ZNF639: variants seen among roughly 807,000 people sequenced by gnomAD.
ZNF639 encodes zinc finger amplified in esophageal squamous cell carcinomas 1.
In ZNF639, 20 loss-of-function variants were observed where a neutral mutation model predicts 39.8. The ratio of observed to expected loss-of-function variants is 0.50; its 90% confidence interval spans 0.35 to 0.73. ZNF639 has a LOEUF of 0.73. ZNF639 is among the 30% of genes least tolerant of loss of function. The pLI, the probability that ZNF639 is intolerant of heterozygous loss-of-function variation, is 0.00. For missense variants in ZNF639, 477 were observed against 566.2 expected (o/e 0.84, Z 1.60); for synonymous variants, 176 against 189.8 (o/e 0.93, Z 0.60).
chr3:179,330,775 C>A (rs1022714375), intron 4 of ZNF639, among the ~76,000 whole-genome samples: 5 of 152,168 alleles, frequency 3.3e-5, no homozygotes, highest in Admixed American at 3.3e-4. Context: ...TTCCTCTGTT[C>A]TACAGCATTG....
rs1727782979 is a variant in ZNF639 at position 179,329,493 on chromosome 3, TATA to T, written c.59-121_59-119del. On this transcript the variant is annotated intron_variant, in intron 3 of 5. Coordinates refer to ENST00000496856, the MANE Select transcript of ZNF639 (RefSeq NM_001303426.2). ...ATAAAAGCTTTAAAAGTTGAAAATG[TATA>T]ATATTTTCATTACAGATACTATAAT... 13 of 592,120 alleles carry T rather than the reference TATA, an allele frequency of 2.2e-5. No individual in the cohort carries two copies. In the East Asian group the frequency reaches 4.1e-4, roughly 19 times the overall value. The allele number at this position is 592,120 out of a possible 1,614,324, so 36.7% of individuals were successfully genotyped here. A position where few individuals can be genotyped will look rare whatever the true frequency, so the allele number is the denominator to read the frequency against.
chr3:179,333,957 C>G lies in ZNF639; in HGVS notation c.993C>G (p.Asp331Glu). The change falls in exon 6 of 6, where the codon GAC becomes GAG. Residue 331 changes from aspartate to glutamate, a missense_variant. Physicochemically the swap from Asp to Glu is conservative, Grantham distance 45 (BLOSUM62 2). Coordinates refer to ENST00000496856, the MANE Select transcript of ZNF639 (RefSeq NM_001303426.2). ...FCEHETNDPE[D>E]LHSHVVNEHA... is the part of the protein sequence containing the mutation. The stretch of plus-strand genomic sequence containing the variant: ...AACATGAAACTAATGATCCAGAAGA[C>G]TTGCATAGCCATGTGGTAAATGAGC... The G allele has an allele frequency of 6.2e-7, 1 of 1,614,140 alleles. No individual in the cohort carries two copies. Among genetic ancestry groups the G allele is most frequent in the Non-Finnish European group, 8.5e-7 (1 of 1,180,018 alleles).
intron 4 of ZNF639, chr3:179,330,048 G>C (rs1727821993): frequency 5.5e-6 from 1 of 182,548 alleles, no homozygotes; most frequent in Non-Finnish European, 1.1e-5. Flanking sequence ...GAGTAGCTGG[G>C]GTTACAGGTG....
In ZNF639 at chr3:179,334,318, T is replaced by G; in HGVS notation, c.1354T>G (p.Phe452Val). Reference sequence around the variant, plus strand: ...TGAAGATCTTAAAATTCATCTAGATTTCAAGCATTCAGCTGACTTGCCTCA... The same window carrying G: ...TGAAGATCTTAAAATTCATCTAGATGTCAAGCATTCAGCTGACTTGCCTCA... ...QIEDLKIHLD[F>V]KHSADLPHKC... Residue 452 changes from phenylalanine (F) to valine (V), a missense_variant, in exon 6 of 6, where the codon TTC becomes GTC. Physicochemically the swap from Phe to Val is conservative, Grantham distance 50. Transcript: ENST00000496856. 2 of 1,613,050 alleles carry G rather than the reference T, an allele frequency of 1.2e-6. No homozygotes were observed. Among genetic ancestry groups the G allele is most frequent in the Non-Finnish European group, 1.7e-6 (2 of 1,179,566 alleles).
chr3:179,335,610 A>T lies in ZNF639; in HGVS notation c.*1188A>T, dbSNP rs1441304302. ...CTACCTAGCAGAAATTTATGGTCTC[A>T]CAGTTGTGAAGGCCAGACATTCAAA... On this transcript the variant is annotated 3_prime_UTR_variant, in exon 6 of 6. Coordinates refer to ENST00000496856, the MANE Select transcript of ZNF639 (RefSeq NM_001303426.2). The T allele has an allele frequency of 1.3e-5, 2 of 152,168 alleles. No homozygotes were observed. The highest frequency in any genetic ancestry group is 6.5e-5 in the Admixed American group (1 of 15,278). 9.4% of individuals were successfully genotyped at this position (152,168 alleles called of 1,614,324 possible).
intron 3 of ZNF639, among the ~76,000 whole-genome samples, 194 bp downstream of exon 3, chr3:179,328,545 A>G (rs1173680056): frequency 1.3e-5 from 2 of 152,216 alleles, no homozygotes; most frequent in African/African-American, 4.8e-5. Context: ...TAAGAACTTT[A>G]CAGACATTAT....
chr3:179,333,586 C>A lies in ZNF639; in HGVS notation c.622C>A (p.Leu208Ile). ...TAGCAGTGGCCTCTATAAATGTGAA[C>A]TTTGTGAGTTTAACAGCAAATATTT... is the stretch of plus-strand genomic sequence containing the variant. ...ANSSGLYKCELCEFNSKYFSD... is the reference protein window; with the variant it reads ...ANSSGLYKCEICEFNSKYFSD... Residue 208 changes from leucine (L) to isoleucine (I), a missense_variant, in exon 6 of 6, where the codon CTT (leucine) becomes ATT (isoleucine). Coordinates refer to ENST00000496856, the MANE Select transcript of ZNF639 (RefSeq NM_001303426.2). 1 of 1,614,096 alleles carries A rather than the reference C, an allele frequency of 6.2e-7. No individual in the cohort carries two copies. The highest frequency in any genetic ancestry group is 8.5e-7 in the Non-Finnish European group (1 of 1,180,022).
chr3:179,332,741 A>G (rs1435842040), intron 4 of ZNF639, among the ~76,000 whole-genome samples: 1 of 152,226 alleles, frequency 6.6e-6, no homozygotes, highest in Non-Finnish European at 1.5e-5. Flanking sequence ...CAGTAATTTA[A>G]ACTTAAAATC....
At position 179,333,550 on chromosome 3, in the gene ZNF639, C is replaced by A. The variant is rs199844594; in HGVS notation, c.586C>A (p.Leu196Met). The change falls in exon 6 of 6, where the codon CTG becomes ATG. Residue 196 changes from leucine to methionine, a missense_variant. Transcript: ENST00000496856. ...NVTAQQKWPL[L>M]RANSSGLYKC... is the part of the protein sequence containing the mutation. ...GACTGCCCAGCAGAAATGGCCTTTA[C>A]TGAGAGCTAATAGCAGTGGCCTCTA... 2 of 1,614,114 alleles carry A rather than the reference C, an allele frequency of 1.2e-6. No homozygotes were observed. Among genetic ancestry groups the A allele is most frequent in the African/African-American group, 2.7e-5 (2 of 75,048 alleles).
chr3:179,323,544 C>G (rs533967861), intron 1 of ZNF639, among the ~76,000 whole-genome samples: 1 of 152,284 alleles, frequency 6.6e-6, no homozygotes, highest in Non-Finnish European at 1.5e-5. Context: ...CCTTTGGTGT[C>G]GGGGCTTGGA....
chr3:179,325,718 C>A (rs1224185216), intron 1 of ZNF639, among the ~76,000 whole-genome samples: 1 of 151,558 alleles, frequency 6.6e-6, no homozygotes, highest in Non-Finnish European at 1.5e-5. Context: ...ACGGTGAAAC[C>A]CCGTCTGTAC....
At position 179,331,668 on chromosome 3, in the gene ZNF639, G is replaced by A. The variant is rs185924801; in HGVS notation, c.170-1321G>A. Among the ~76,000 whole-genome samples, 105 of 151,794 alleles carry A rather than the reference G, an allele frequency of 6.9e-4. 1 individual carries two copies. The East Asian group carries it at 0.016, about 22-fold the overall frequency. On this transcript the variant is annotated intron_variant, in intron 4 of 5. Transcript: ENST00000496856. ...TGCGTGCCTGTAATCCCAGCTACTCGGGAGGCTGAGGCAGGAGAATTGCTT... is the reference window on the plus strand; with the variant it reads ...TGCGTGCCTGTAATCCCAGCTACTCAGGAGGCTGAGGCAGGAGAATTGCTT...
Position 179,333,632 on chromosome 3 carries a change from T to C in ZNF639, c.668T>C (p.Met223Thr). Residue 223 changes from methionine (M) to threonine (T), a missense_variant, in exon 6 of 6, where the codon ATG (methionine) becomes ACG (threonine). Met to Thr is a moderately conservative substitution (Grantham distance 81, BLOSUM62 -1). Transcript: ENST00000496856. ...SKYFSDLKQH[M>T]ILKHKRTDSN... is the part of the protein sequence containing the mutation. The stretch of plus-strand genomic sequence containing the variant: ...TATTTTTCTGACTTAAAGCAGCATA[T>C]GATCCTGAAGCATAAACGTACTGAT... The C allele has an allele frequency of 6.2e-7, 1 of 1,614,176 alleles. No homozygotes were observed. The highest frequency in any genetic ancestry group is 8.5e-7 in the Non-Finnish European group (1 of 1,180,038).
intron 1 of ZNF639, among the ~76,000 whole-genome samples, chr3:179,327,170 A>G (rs900942117): frequency 2.0e-5 from 3 of 152,156 alleles, no homozygotes; most frequent in African/African-American, 7.2e-5. Flanking sequence ...AGCCTGGGTA[A>G]CAAGAGCAAA....
chr3:179,327,016 C>G (rs572300515), intron 1 of ZNF639, among the ~76,000 whole-genome samples: 3 of 151,768 alleles, frequency 2.0e-5, no homozygotes, highest in Admixed American at 1.3e-4. Flanking sequence ...ATGGTGAAAC[C>G]CCGTCTCTGC....
At chr3:179,328,963 G>C (rs1296845394) in intron 3 of ZNF639, among the ~76,000 whole-genome samples, 2 of 152,044 alleles carry the variant, frequency 1.3e-5, no homozygotes, top group Non-Finnish European at 2.9e-5. Context: ...TGTTAAAGTA[G>C]AGATGGGGTT....
In ZNF639 at chr3:179,335,904, C is replaced by CCT. The variant is rs1189252810; in HGVS notation, c.*1484_*1485dup. 6.6e-6 allele frequency: 1 copy of CCT among 151,928 alleles called. No individual in the cohort carries two copies. The highest frequency in any genetic ancestry group is 1.9e-4 in the East Asian group (1 of 5,158). The allele number at this position is 151,928 out of a possible 1,614,324, so 9.4% of individuals were successfully genotyped here. A position where few individuals can be genotyped will look rare whatever the true frequency, so the allele number is the denominator to read the frequency against. ...CTCCCAGGTTCAAGTGATTCTGCTG[C>CCT]CTCAGCTTCCCAAGTAGCTGGGGTT... On this transcript the variant is annotated 3_prime_UTR_variant, in exon 6 of 6. Coordinates refer to ENST00000496856, the MANE Select transcript of ZNF639 (RefSeq NM_001303426.2).
chr3:179,330,601 T>C (rs555479800), intron 4 of ZNF639, among the ~76,000 whole-genome samples: 26 of 152,274 alleles, frequency 1.7e-4, no homozygotes, highest in Admixed American at 3.9e-4. Context: ...TCCACTTTAG[T>C]TGGTTAGGAA....
At position 179,336,455 on chromosome 3, in the gene ZNF639, AT is replaced by A. The variant is rs1231584341; in HGVS notation, c.*2034del. 6.6e-6 allele frequency: 1 copy of A among 152,194 alleles called. No individual in the cohort carries two copies. Among genetic ancestry groups the A allele is most frequent in the African/African-American group, 2.4e-5 (1 of 41,464 alleles). The allele number at this position is 152,194 out of a possible 1,614,324, so 9.4% of individuals were successfully genotyped here. ...AGTATTCTTAGAAGGTATTATTTTT[AT>A]CCCCACTATTTTGTTGTATGTGCAT... On this transcript the variant is annotated 3_prime_UTR_variant, in exon 6 of 6. Coordinates refer to ENST00000496856, the MANE Select transcript of ZNF639 (RefSeq NM_001303426.2).
Sources: gnomAD v4.1 joint callset for allele counts (sites outside exome capture counted in the v4.1 genomes callset) on GRCh38, gnomAD v4.1.1 for gene constraint, MANE v1.5 for transcripts, NCBI Gene and HGNC (gene_info 2026-07-23, HGNC 2026-07-21) for gene names.